RASGEF1A: variants seen among roughly 807,000 people sequenced by gnomAD.
RASGEF1A encodes RasGEF domain family member 1A.
A neutral mutation model predicts 56.4 loss-of-function variants in RASGEF1A; 18 were observed. The ratio of observed to expected loss-of-function variants is 0.32; its 90% CI spans 0.22 to 0.47. The LOEUF (loss-of-function observed/expected upper bound fraction) is 0.47. Among genes scored for constraint, RASGEF1A ranks in the 20% least tolerant of loss-of-function variants. RASGEF1A has a pLI of 1.00. For missense variants in RASGEF1A, 422 were observed against 627.1 expected (o/e 0.67, Z 3.49); for synonymous variants, 245 against 242.6 (o/e 1.01, Z -0.09).
At chr10:43,240,280 T>C (rs572649283) in intron 1 of RASGEF1A, among the ~76,000 whole-genome samples, 8 of 152,268 alleles carry the variant, frequency 5.3e-5, no homozygotes, top group African/African-American at 1.4e-4. Flanking sequence ...CACAAAAGAA[T>C]ACAGACTTTG....
intron 1 of RASGEF1A, among the ~76,000 whole-genome samples, chr10:43,229,042 C>T (rs996861568): frequency 6.6e-6 from 1 of 152,208 alleles, no homozygotes; most frequent in African/African-American, 2.4e-5. Context: ...TGGGAAATGC[C>T]AGTGCTCCAT....
chr10:43,203,870 C>CG, intron 2 of RASGEF1A: 2 of 802,266 alleles, frequency 2.5e-6, no homozygotes, highest in Non-Finnish European at 3.0e-6. Flanking sequence ...CGGGGCCTGT[C>CG]GGGAGCAGGG....
intron 1 of RASGEF1A, chr10:43,209,229 C>T: frequency 1.0e-6 from 1 of 984,850 alleles, no homozygotes; most frequent in Non-Finnish European, 1.2e-6. Context: ...CGCAAGGCTA[C>T]AGTTGAAGAA....
intron 1 of RASGEF1A, among the ~76,000 whole-genome samples, chr10:43,239,252 T>C (rs1840474297): frequency 6.6e-6 from 1 of 152,358 alleles, no homozygotes; most frequent in East Asian, 1.9e-4. Flanking sequence ...GATGAAAAGT[T>C]TTTATTCAAA....
intron 1 of RASGEF1A, chr10:43,207,285 C>A (rs1476360740): frequency 1.0e-6 from 1 of 985,502 alleles, no homozygotes; most frequent in East Asian, 1.1e-4. Flanking sequence ...CTGCACAGAG[C>A]AAATTGTTGC....
At chr10:43,254,983 G>A (rs1240060913) in intron 1 of RASGEF1A, among the ~76,000 whole-genome samples, 1 of 152,020 alleles carries the variant, frequency 6.6e-6, no homozygotes, top group East Asian at 1.9e-4. Flanking sequence ...GGGAACACTG[G>A]GGACTTTCCT....
At chr10:43,226,417 C>T (rs1830513068) in intron 1 of RASGEF1A, among the ~76,000 whole-genome samples, 1 of 152,134 alleles carries the variant, frequency 6.6e-6, no homozygotes, top group South Asian at 2.1e-4. Context: ...GTCTGGGCAA[C>T]AGGAGCAAAA....
At chr10:43,207,824 G>A (rs956012564) in intron 1 of RASGEF1A, 4 of 579,414 alleles carry the variant, frequency 6.9e-6, no homozygotes, top group South Asian at 7.6e-5. Flanking sequence ...AACCACTGAT[G>A]TGAGCCAATC....
intron 1 of RASGEF1A, among the ~76,000 whole-genome samples, chr10:43,249,917 T>A (rs1013987671): frequency 3.9e-5 from 6 of 152,242 alleles, no homozygotes; most frequent in Admixed American, 6.5e-5. Flanking sequence ...CTTTCACGTG[T>A]GTTTAAAAGC....
chr10:43,219,068 C>A (rs1267038284), intron 1 of RASGEF1A, among the ~76,000 whole-genome samples: 1 of 152,184 alleles, frequency 6.6e-6, no homozygotes, highest in African/African-American at 2.4e-5. Context: ...TCTTGAGACT[C>A]AAGAGGCCCA....
chr10:43,197,407 G>T (rs1054626181), intron 10 of RASGEF1A, among the ~76,000 whole-genome samples: 9 of 152,334 alleles, frequency 5.9e-5, no homozygotes, highest in African/African-American at 2.2e-4. Context: ...CCTGAGGCAG[G>T]CACCCCATCC....
chr10:43,196,968 G>C lies in RASGEF1A; in HGVS notation c.1348+8C>G. On this transcript the variant is annotated splice_region_variant and intron_variant, in intron 11 of 12. Coordinates refer to ENST00000395810, the MANE Select transcript of RASGEF1A (RefSeq NM_145313.4). The surrounding 1 kb of genome is among the most constrained non-coding windows in gnomAD (Gnocchi z 4.6). ...GGGAGGCATGCTGCGTTGGGAGGCA[G>C]CCCTCACCTTCCTCGCTGTAGATGG... The C allele has an allele frequency of 6.2e-7, 1 of 1,612,638 alleles. No homozygotes were observed.
intron 1 of RASGEF1A, among the ~76,000 whole-genome samples, chr10:43,214,028 C>T (rs576926689): frequency 6.6e-6 from 1 of 152,142 alleles, no homozygotes; most frequent in African/African-American, 2.4e-5. Context: ...AAGCTGGATG[C>T]GCTCCTCGGG....
rs959184014 is a variant in RASGEF1A at position 43,203,745 on chromosome 10, C to T, written c.199-325G>A. ...ACCCCAGCCTGGGACGTTGGTAGGG[C>T]TCCATGGTGCTCGCTGCGCCAGGAT... On this transcript the variant is annotated intron_variant, in intron 2 of 12. Transcript: ENST00000395810. The T allele has an allele frequency of 1.4e-5, 15 of 1,085,020 alleles. No individual in the cohort carries two copies. The African/African-American group carries it at 2.2e-4, about 16-fold the overall frequency. 67.2% of individuals were successfully genotyped at this position (1,085,020 alleles called of 1,614,324 possible).
intron 1 of RASGEF1A, among the ~76,000 whole-genome samples, chr10:43,250,181 G>A (rs945521342): frequency 1.3e-5 from 2 of 152,226 alleles, no homozygotes; most frequent in Non-Finnish European, 1.5e-5. Context: ...TGTACCCTTG[G>A]CCAATGCGCA....
At chr10:43,253,652 G>C (rs1840651915) in intron 1 of RASGEF1A, among the ~76,000 whole-genome samples, 1 of 152,178 alleles carries the variant, frequency 6.6e-6, no homozygotes, top group African/African-American at 2.4e-5. Context: ...GGGGGCTCTA[G>C]GGGCCCTCAG....
rs368155914 is a variant in RASGEF1A, at chr10:43,212,381, G to A, written c.-6-6259C>T. On this transcript the variant is annotated intron_variant, in intron 1 of 12. Transcript: ENST00000395810. ...GCACCCCGCCCCATGGAGTGAGTAG[G>A]GTAGAGGAGGGGCTGTCATCTGGTT... 5.3e-5 allele frequency among the ~76,000 whole-genome samples: 8 copies of A among 152,334 alleles called. No homozygotes were observed. The East Asian group carries it at 5.8e-4, about 11-fold the overall frequency.
At chr10:43,221,775 G>A (rs896201233) in intron 1 of RASGEF1A, among the ~76,000 whole-genome samples, 1 of 152,246 alleles carries the variant, frequency 6.6e-6, no homozygotes, top group Non-Finnish European at 1.5e-5. Flanking sequence ...AATGAGTGGC[G>A]TAGGCAGAGG....
At chr10:43,259,337 G>A (rs1173336276) in intron 1 of RASGEF1A, among the ~76,000 whole-genome samples, 1 of 151,970 alleles carries the variant, frequency 6.6e-6, no homozygotes, top group African/African-American at 2.4e-5. Flanking sequence ...CTTGCAGCTG[G>A]GCCCTACCCA....
Sources: gnomAD v4.1 joint callset for allele counts (sites outside exome capture counted in the v4.1 genomes callset) on GRCh38, gnomAD v4.1.1 for gene constraint, Gnocchi (gnomAD v3.1) non-coding constraint, MANE v1.5 for transcripts, NCBI Gene and HGNC (gene_info 2026-07-23, HGNC 2026-07-21) for gene names.